The following MAF variants were observed in gnomAD, a reference collection of about 807,000 sequenced individuals.
The protein encoded by MAF is transcription factor Maf.
MAF carries 10 observed loss-of-function variants against 22.0 expected under a neutral mutation model. The observed-to-expected ratio is 0.45, with a 90% CI of 0.28 to 0.77. The LOEUF is 0.77. Among genes scored for constraint, MAF ranks in the 30% least tolerant of loss-of-function variants. The pLI is 0.12. For synonymous variants in MAF, 337 were observed against 255.8 expected (o/e 1.32, Z -3.03); for missense variants, 544 against 548.4 (o/e 0.99, Z 0.08).
chr16:79,430,601 C>CT, the MAF span, among the ~76,000 whole-genome samples: 1 of 152,190 alleles, frequency 6.6e-6, no homozygotes, highest in African/African-American at 2.4e-5. Flanking sequence ...CAGGAAATGT[C>CT]TGCTGAATTG....
At chr16:79,559,260 A>G in the MAF span, among the ~76,000 whole-genome samples, 2 of 152,148 alleles carry the variant, frequency 1.3e-5, no homozygotes, top group Non-Finnish European at 2.9e-5. Flanking sequence ...AGAATGAACC[A>G]CTGTTAGAAG....
chr16:79,536,784 A>G, the MAF span, among the ~76,000 whole-genome samples: 1 of 152,244 alleles, frequency 6.6e-6, no homozygotes, highest in Non-Finnish European at 1.5e-5. Context: ...TTTACATTGT[A>G]TTAGTTATTA....
chr16:79,426,590 T>C, the MAF span, among the ~76,000 whole-genome samples: 1 of 152,158 alleles, frequency 6.6e-6, no homozygotes, highest in East Asian at 1.9e-4. Context: ...CAGAGTCAAG[T>C]GTGTGACCCA....
At chr16:79,280,937 C>G in the MAF span, among the ~76,000 whole-genome samples, 485 of 152,218 alleles carry the variant, frequency 3.2e-3, 1 homozygote, top group Non-Finnish European at 5.4e-3. Context: ...TCAAAGCAGT[C>G]TAGTGATTGC....
the MAF span, among the ~76,000 whole-genome samples, chr16:79,226,711 G>A: frequency 1.3e-5 from 2 of 152,008 alleles, no homozygotes; most frequent in African/African-American, 2.4e-5. Flanking sequence ...AGGACATGTG[G>A]ATGACATTTT....
the MAF span, among the ~76,000 whole-genome samples, chr16:79,240,601 G>A: frequency 4.1e-4 from 61 of 150,308 alleles, 1 homozygote; most frequent in African/African-American, 1.3e-3. Context: ...GCGGGAAGGG[G>A]TGGCTGTGGG....
At chr16:79,587,351 T>C (rs890746512) in intron 1 of MAF, among the ~76,000 whole-genome samples, 1 of 151,974 alleles carries the variant, frequency 6.6e-6, no homozygotes, top group Non-Finnish European at 1.5e-5. Context: ...AACCTGGAAG[T>C]GTATCAGTAT....
the MAF span, among the ~76,000 whole-genome samples, chr16:79,391,367 T>C: frequency 6.6e-6 from 1 of 152,186 alleles, no homozygotes; most frequent in Non-Finnish European, 1.5e-5. Context: ...TCTAGCTATT[T>C]GCAAAGAGCC....
the MAF span, among the ~76,000 whole-genome samples, chr16:79,503,829 T>G: frequency 6.6e-6 from 1 of 152,260 alleles, no homozygotes; most frequent in African/African-American, 2.4e-5. Context: ...TCTTTCATAA[T>G]GTGTAATTCT....
chr16:79,425,622 A>AACCAC, the MAF span, among the ~76,000 whole-genome samples: 1 of 152,104 alleles, frequency 6.6e-6, no homozygotes, highest in Admixed American at 6.5e-5. Flanking sequence ...AACCAAACCA[A>AACCAC]ACCAAATCAC....
At chr16:79,230,742 G>A in the MAF span, among the ~76,000 whole-genome samples, 1 of 152,062 alleles carries the variant, frequency 6.6e-6, no homozygotes, top group Admixed American at 6.6e-5. Context: ...GCTTTCTGAA[G>A]CTAACATTCT....
At chr16:79,226,523 T>C in the MAF span, among the ~76,000 whole-genome samples, 1 of 151,996 alleles carries the variant, frequency 6.6e-6, no homozygotes, top group Non-Finnish European at 1.5e-5. Context: ...ACTTAAAGTA[T>C]ATAAAAAAAT....
chr16:79,541,219 C>A, the MAF span, among the ~76,000 whole-genome samples: 1 of 152,200 alleles, frequency 6.6e-6, no homozygotes, highest in African/African-American at 2.4e-5. Context: ...TGCTATCGTA[C>A]TCTAAGCCAC....
the MAF span, among the ~76,000 whole-genome samples, chr16:79,309,321 T>C: frequency 2.0e-5 from 3 of 152,232 alleles, no homozygotes; most frequent in Non-Finnish European, 4.4e-5. Flanking sequence ...TGGCTATTTG[T>C]AGAAGATTCG....
chr16:79,407,614 C>T, the MAF span, among the ~76,000 whole-genome samples: 2 of 152,182 alleles, frequency 1.3e-5, no homozygotes, highest in African/African-American at 4.8e-5. Context: ...ACAGCTCAGC[C>T]TGTGTTAGGA....
chr16:79,215,476 G>C, the MAF span, among the ~76,000 whole-genome samples: 1 of 152,144 alleles, frequency 6.6e-6, no homozygotes, highest in African/African-American at 2.4e-5. Context: ...AGAAGATATT[G>C]GCGTATCATC....
At chr16:79,502,674 A>AATAAATATAAATATAAAT in the MAF span, among the ~76,000 whole-genome samples, 34 of 75,980 alleles carry the variant, frequency 4.5e-4, no homozygotes, top group African/African-American at 9.7e-4. Flanking sequence ...TCCAAAAATA[A>AATAAATATAAATATAAAT]ATAAATATAA....
the MAF span, among the ~76,000 whole-genome samples, chr16:79,321,424 G>C: frequency 6.6e-6 from 1 of 152,176 alleles, no homozygotes; most frequent in East Asian, 1.9e-4. Flanking sequence ...TTATCCAGAG[G>C]AAGAGAGGGA....
chr16:79,252,471 G>C, the MAF span, among the ~76,000 whole-genome samples: 1 of 151,990 alleles, frequency 6.6e-6, no homozygotes, highest in Non-Finnish European at 1.5e-5. Context: ...TATAAAGATT[G>C]TCAGGAGCCT....
Sources: gnomAD v4.1 joint callset for allele counts (sites outside exome capture counted in the v4.1 genomes callset) on GRCh38, gnomAD v4.1.1 for gene constraint, MANE v1.5 for transcripts, NCBI Gene and HGNC (gene_info 2026-07-23, HGNC 2026-07-21) for gene names.